PCDH15: variants seen among roughly 807,000 people sequenced by gnomAD.
PCDH15 encodes protocadherin related 15, also known as protocadherin-15.
A neutral mutation model predicts 178.5 loss-of-function variants in PCDH15; 129 were observed. That is an observed-to-expected ratio of 0.72 (90% CI 0.63 to 0.84). The LOEUF is 0.84. PCDH15 is among the 40% of genes least tolerant of loss of function. The pLI is 0.00. For synonymous variants in PCDH15, 800 were observed against 732.0 expected, an observed-to-expected ratio of 1.09 and a Z score of -1.50; for missense variants, 2,230 against 2,099.9, an observed-to-expected ratio of 1.06 and a Z score of -1.21.
At position 54,329,323 on chromosome 10, in the gene PCDH15, C is replaced by T. The variant is rs538980678; in HGVS notation, c.705+273G>A. Among the ~76,000 whole-genome samples the T allele has an allele frequency of 9.9e-5, 15 of 151,904 alleles. No individual in the cohort carries two copies. In the South Asian group the frequency reaches 2.9e-3, roughly 29 times the overall value. ...TTCTGCTGCTGTTAATTTGCAGGAT[C>T]CTACTTTGAAAAATATTTCAGTATA... On this transcript the variant is annotated intron_variant, in intron 7 of 37. Transcript: ENST00000644397.
intron 3 of PCDH15, among the ~76,000 whole-genome samples, chr10:54,525,548 TC>T (rs2083285630): frequency 1.3e-5 from 2 of 152,202 alleles, no homozygotes. Flanking sequence ...CCTCCTGGCC[TC>T]CCAGGTTCAA....
chr10:54,247,899 T>TAA (rs1221493244), intron 8 of PCDH15, among the ~76,000 whole-genome samples: 1 of 148,924 alleles, frequency 6.7e-6, no homozygotes, highest in Non-Finnish European at 1.5e-5. Context: ...TATATATATA[T>TAA]CTACATTGCA....
chr10:55,023,138 T>C (rs1436479799), intron 2 of PCDH15, among the ~76,000 whole-genome samples: 1 of 152,062 alleles, frequency 6.6e-6, no homozygotes, highest in Non-Finnish European at 1.5e-5. Flanking sequence ...AGATGGGGTT[T>C]CACCATGTTA....
At chr10:55,192,267 T>TA (rs1839962912) in intron 1 of PCDH15, among the ~76,000 whole-genome samples, 1 of 151,836 alleles carries the variant, frequency 6.6e-6, no homozygotes, top group African/African-American at 2.4e-5. Context: ...TGGGGGGTTA[T>TA]ATACAGTGCC....
chr10:54,072,675 A>C (rs1436715419), intron 17 of PCDH15, among the ~76,000 whole-genome samples: 2 of 152,136 alleles, frequency 1.3e-5, no homozygotes, highest in Non-Finnish European at 2.9e-5. Context: ...TGGGAAACTA[A>C]GAGAAATTTG....
Position 53,822,448 on chromosome 10 carries a change from G to C in PCDH15, c.4368-2218C>G, listed in dbSNP as rs397517464. On this transcript the variant is annotated intron_variant, in intron 32 of 37. Transcript: ENST00000644397. The stretch of plus-strand genomic sequence containing the variant: ...GGAGGAGCAAGAGGAGCAGGAGCAG[G>C]AGGAGGAGAAGGAGGAGAAATAGGA... 6.3e-7 allele frequency: 1 copy of C among 1,597,076 alleles called. No homozygotes were observed. The highest frequency in any genetic ancestry group is 2.3e-5 in the East Asian group (1 of 43,414).
intron 15 of PCDH15, among the ~76,000 whole-genome samples, chr10:54,110,289 A>G (rs915270652): frequency 6.6e-6 from 1 of 150,866 alleles, no homozygotes; most frequent in Non-Finnish European, 1.5e-5. Flanking sequence ...GTTTCCTATC[A>G]GAGAATAGAG....
chr10:55,366,287 G>T (rs1430401697), intron 2 of PCDH15: 1 of 152,004 alleles, frequency 6.6e-6, no homozygotes, highest in African/African-American at 2.4e-5. Flanking sequence ...TTTTATAATA[G>T]AGTGATAACT....
Position 54,022,921 on chromosome 10 carries a change from G to A in PCDH15, c.2497C>T (p.Pro833Ser). The change falls in exon 19 of 38, where the codon CCA becomes TCA. Residue 833 changes from proline (P) to serine (S), a missense_variant. By Grantham distance (74) the Pro-to-Ser change is moderately conservative. Coordinates refer to ENST00000644397, the MANE Select transcript of PCDH15 (RefSeq NM_001384140.1). The stretch of plus-strand genomic sequence containing the variant: ...ATTTGAAGGATGGTAGTCCCAGCTG[G>A]CAAATTCTCTTCAACAAGGACAGTG... ...TYTVLVEENL[P>S]AGTTILQIEA... The A allele has an allele frequency of 6.2e-7, 1 of 1,613,828 alleles. No homozygotes were observed.
chr10:53,829,323 T>C (rs1273194816), intron 30 of PCDH15, among the ~76,000 whole-genome samples: 1 of 152,214 alleles, frequency 6.6e-6, no homozygotes, highest in Non-Finnish European at 1.5e-5. Context: ...ATAAATTATT[T>C]AAATATTAAA....
At chr10:54,240,494 G>T (rs2055131690) in intron 8 of PCDH15, among the ~76,000 whole-genome samples, 1 of 151,802 alleles carries the variant, frequency 6.6e-6, no homozygotes, top group Non-Finnish European at 1.5e-5. Flanking sequence ...TTAGTTTCAG[G>T]TCAGTTCTCT....
chr10:54,390,233 C>T (rs1212233121), intron 3 of PCDH15, among the ~76,000 whole-genome samples: 2 of 152,174 alleles, frequency 1.3e-5, no homozygotes, highest in African/African-American at 4.8e-5. Flanking sequence ...TTAGAATTCA[C>T]TCCCATGCAT....
intron 7 of PCDH15, among the ~76,000 whole-genome samples, chr10:54,319,196 T>A (rs2061448509): frequency 6.6e-6 from 1 of 152,332 alleles, no homozygotes. Flanking sequence ...TTTTGAATTC[T>A]ATTTTGTACA....
chr10:54,853,569 G>A (rs1476394648), intron 3 of PCDH15, among the ~76,000 whole-genome samples: 1 of 150,436 alleles, frequency 6.6e-6, no homozygotes, highest in Non-Finnish European at 1.5e-5. Context: ...CACTTCATGT[G>A]TGTATTTACC....
intron 2 of PCDH15, among the ~76,000 whole-genome samples, chr10:55,003,316 A>T (rs889753215): frequency 5.3e-5 from 8 of 152,212 alleles, no homozygotes; most frequent in Admixed American, 4.6e-4. Context: ...CATTAGAAAG[A>T]AAATTTCTAG....
intron 2 of PCDH15, among the ~76,000 whole-genome samples, chr10:55,029,197 CT>C (rs1432744796): frequency 6.6e-6 from 1 of 151,960 alleles, no homozygotes; most frequent in Non-Finnish European, 1.5e-5. Flanking sequence ...GCCATATTTT[CT>C]GTCCTTGTAC....
intron 1 of PCDH15, among the ~76,000 whole-genome samples, chr10:54,738,902 G>T (rs1944442380): frequency 6.6e-6 from 1 of 151,780 alleles, no homozygotes; most frequent in Non-Finnish European, 1.5e-5. Context: ...AAGTATAAAA[G>T]AAGTATACCT....
At chr10:55,331,981 G>A (rs1844212619) in intron 2 of PCDH15, among the ~76,000 whole-genome samples, 1 of 152,076 alleles carries the variant, frequency 6.6e-6, no homozygotes, top group Non-Finnish European at 1.5e-5. Context: ...TATAGGAGAT[G>A]TACATCAAAA....
chr10:54,813,225 T>G (rs1952893924), intron 3 of PCDH15, among the ~76,000 whole-genome samples: 1 of 152,162 alleles, frequency 6.6e-6, no homozygotes, highest in Admixed American at 6.5e-5. Flanking sequence ...TCTCAATACA[T>G]TCAACCTTGT....
Sources: gnomAD v4.1 joint callset for allele counts (sites outside exome capture counted in the v4.1 genomes callset) on GRCh38, gnomAD v4.1.1 for gene constraint, MANE v1.5 for transcripts, NCBI Gene and HGNC (gene_info 2026-07-23, HGNC 2026-07-21) for gene names.